The following XKR4 variants were observed in gnomAD, a reference collection of about 807,000 sequenced individuals.
XKR4 encodes the protein XK-related protein 4.
Under a neutral mutation model 53.9 loss-of-function variants are expected in XKR4, and 12 were observed. The observed-to-expected ratio is 0.22, with a 90% CI of 0.14 to 0.36. The LOEUF is 0.36. XKR4 is among the 10% of genes least tolerant of loss of function. The pLI is 1.00. For missense variants in XKR4, 799 were observed against 859.5 expected, an observed-to-expected ratio of 0.93 and a Z score of 0.88; for synonymous variants, 354 against 362.4, an observed-to-expected ratio of 0.98 and a Z score of 0.26.
At chr8:55,245,053 C>T (rs1052676977) in intron 1 of XKR4, among the ~76,000 whole-genome samples, 1 of 152,080 alleles carries the variant, frequency 6.6e-6, no homozygotes, top group Non-Finnish European at 1.5e-5. Context: ...AGGCACCTGC[C>T]ACCATGCCTG....
intron 1 of XKR4, among the ~76,000 whole-genome samples, chr8:55,298,391 A>T (rs937328710): frequency 1.3e-5 from 2 of 152,202 alleles, no homozygotes; most frequent in African/African-American, 2.4e-5. Context: ...AAAGAATTTT[A>T]TCTGGCTTAC....
intron 1 of XKR4, chr8:55,164,473 T>C (rs1311990048): frequency 2.2e-6 from 1 of 456,106 alleles, no homozygotes; most frequent in African/African-American, 2.0e-5. Flanking sequence ...TCTACCTGGG[T>C]ATTCTCCACA....
At position 55,523,625 on chromosome 8, in the gene XKR4, G is replaced by A. The variant is rs1411987431; in HGVS notation, c.1351G>A (p.Gly451Ser). The change falls in exon 3 of 3, where the codon GGC becomes AGC. Residue 451 changes from glycine to serine, a missense_variant. Around this residue, in one of 3 missense-constraint regions of XKR4, gnomAD observed 269 missense variants for 264.4 expected, o/e 1.02. Transcript: ENST00000327381. The stretch of plus-strand genomic sequence containing the variant: ...CTTCAGTTGGTTCAATGTCAAGGAA[G>A]GCAGGACACGCTGCAGGCTATTCAT... ...YIFSWFNVKE[G>S]RTRCRLFIYY... The A allele has an allele frequency of 6.2e-7, 1 of 1,614,018 alleles. No individual in the cohort carries two copies. Among genetic ancestry groups the A allele is most frequent in the African/African-American group, 1.3e-5 (1 of 74,902 alleles).
intron 1 of XKR4, among the ~76,000 whole-genome samples, chr8:55,240,036 A>C (rs967700337): frequency 6.6e-6 from 1 of 152,178 alleles, no homozygotes; most frequent in African/African-American, 2.4e-5. Context: ...AGAGTATATC[A>C]CTGTGTGCAT....
intron 1 of XKR4, among the ~76,000 whole-genome samples, chr8:55,115,187 C>T (rs1300262561): frequency 6.6e-6 from 1 of 152,192 alleles, no homozygotes; most frequent in Non-Finnish European, 1.5e-5. Context: ...GGAGCAACTA[C>T]TGCTGCTACA....
At chr8:55,137,255 A>G (rs1213150886) in intron 1 of XKR4, among the ~76,000 whole-genome samples, 4 of 149,112 alleles carry the variant, frequency 2.7e-5, no homozygotes, top group East Asian at 3.9e-4. Context: ...AGAGGAGGGG[A>G]AAAAAAAAAG....
chr8:55,315,145 G>T (rs1208777958), intron 1 of XKR4, among the ~76,000 whole-genome samples: 1 of 152,196 alleles, frequency 6.6e-6, no homozygotes, highest in African/African-American at 2.4e-5. Flanking sequence ...GGGACAGGGA[G>T]ACCTATTTTA....
chr8:55,491,530 T>G (rs925076119), intron 2 of XKR4, among the ~76,000 whole-genome samples: 3 of 121,794 alleles, frequency 2.5e-5, no homozygotes, highest in African/African-American at 1.2e-4. Flanking sequence ...TATCTTTTAT[T>G]CTAAGGCTAG....
Position 55,146,008 on chromosome 8 carries a change from G to A in XKR4, c.806+42714G>A, listed in dbSNP as rs189041491. 1.0e-3 allele frequency among the ~76,000 whole-genome samples: 159 copies of A among 152,278 alleles called. 1 individual carries two copies. Among genetic ancestry groups the A allele is most frequent in the African/African-American group, 3.7e-3 (152 of 41,540 alleles). On this transcript the variant is annotated intron_variant, in intron 1 of 2. Transcript: ENST00000327381. ...ATCTTTGGCTTATGTTTATTGATTG[G>A]GTGAGATGTGAAGGAAAACTGATGC...
At chr8:55,311,829 C>CAAAAAAAAAAAAAAAAAAAAAAAAA (rs57826022) in intron 1 of XKR4, among the ~76,000 whole-genome samples, 2 of 98,606 alleles carry the variant, frequency 2.0e-5, no homozygotes, top group African/African-American at 7.7e-5. Context: ...TGTAATTTAG[C>CAAAAAAAAAAAAAAAAAAAAAAAAA]AAAAAAAAAA....
chr8:55,380,500 C>T (rs1245347278), intron 2 of XKR4, among the ~76,000 whole-genome samples: 1 of 152,216 alleles, frequency 6.6e-6, no homozygotes, highest in Non-Finnish European at 1.5e-5. Flanking sequence ...CATCTTTCTT[C>T]TTATGCAGAC....
intron 2 of XKR4, among the ~76,000 whole-genome samples, chr8:55,500,303 A>G (rs112143102): frequency 6.6e-6 from 1 of 152,124 alleles, no homozygotes; most frequent in African/African-American, 2.4e-5. Context: ...TATTTCTGCA[A>G]GTGTAAGATA....
chr8:55,191,015 T>C (rs1451080905), intron 1 of XKR4, among the ~76,000 whole-genome samples: 4 of 152,318 alleles, frequency 2.6e-5, no homozygotes, highest in Admixed American at 2.0e-4. Flanking sequence ...CCAGAACCAG[T>C]TGGATCCACA....
At chr8:55,511,583 G>A (rs1468827534) in intron 2 of XKR4, among the ~76,000 whole-genome samples, 1 of 152,164 alleles carries the variant, frequency 6.6e-6, no homozygotes, top group African/African-American at 2.4e-5. Context: ...AAAATCCTGA[G>A]GAAGGAAGCC....
chr8:55,396,731 G>GT (rs1804524440), intron 2 of XKR4, among the ~76,000 whole-genome samples: 1 of 152,190 alleles, frequency 6.6e-6, no homozygotes, highest in African/African-American at 2.4e-5. Flanking sequence ...GCAAATGTTG[G>GT]TGTTAATATT....
intron 2 of XKR4, chr8:55,452,488 G>T: frequency 7.9e-6 from 5 of 632,812 alleles, no homozygotes; most frequent in South Asian, 6.9e-5. Context: ...AGGTAGATGC[G>T]CAGGCCATCC....
chr8:55,320,257 A>G (rs1803185997), intron 1 of XKR4, among the ~76,000 whole-genome samples: 1 of 152,188 alleles, frequency 6.6e-6, no homozygotes, highest in African/African-American at 2.4e-5. Flanking sequence ...GAGAGGAAAA[A>G]AGTCAGAACT....
At chr8:55,304,214 G>A (rs1335893987) in intron 1 of XKR4, among the ~76,000 whole-genome samples, 1 of 152,112 alleles carries the variant, frequency 6.6e-6, no homozygotes, top group African/African-American at 2.4e-5. Flanking sequence ...GTTCTCATTG[G>A]TTTCAAAGAA....
chr8:55,234,533 C>T (rs757918592), intron 1 of XKR4, among the ~76,000 whole-genome samples: 1 of 152,174 alleles, frequency 6.6e-6, no homozygotes, highest in Non-Finnish European at 1.5e-5. Context: ...ACTGAAATCA[C>T]TCTACATTAC....
Sources: gnomAD v4.1 joint callset for allele counts (sites outside exome capture counted in the v4.1 genomes callset) on GRCh38, gnomAD v4.1.1 for gene constraint, gnomAD v4.1.1 regional missense constraint, MANE v1.5 for transcripts, NCBI Gene and HGNC (gene_info 2026-07-23, HGNC 2026-07-21) for gene names.